Variants in TRAPPC9 observed in about 807,000 individuals in gnomAD.
TRAPPC9 encodes trafficking protein particle complex subunit 9, also known as IKK2 binding protein.
In TRAPPC9, 83 loss-of-function variants were observed where a neutral mutation model predicts 124.0. That is an observed-to-expected ratio of 0.67 (90% CI 0.56 to 0.80). TRAPPC9 has a LOEUF of 0.80. Among genes scored for constraint, TRAPPC9 ranks in the 30% least tolerant of loss-of-function variants. The pLI is 0.00. For synonymous variants in TRAPPC9, 638 were observed against 617.5 expected, an observed-to-expected ratio of 1.03 and a Z score of -0.49; for missense variants, 1,302 against 1,508.3, an observed-to-expected ratio of 0.86 and a Z score of 2.27.
At chr8:140,381,437 G>A (rs1188483889) in intron 7 of TRAPPC9, among the ~76,000 whole-genome samples, 1 of 152,012 alleles carries the variant, frequency 6.6e-6, no homozygotes, top group Non-Finnish European at 1.5e-5. Flanking sequence ...GGAGGCCAAG[G>A]TGGGCGGATC....
In TRAPPC9 at chr8:139,971,752, C is replaced by CACACACACAT. The variant is rs782664288; in HGVS notation, c.2810+16973_2810+16974insATGTGTGTGT. On this transcript the variant is annotated intron_variant, in intron 19 of 22. Transcript: ENST00000438773. ...ACACACACACACATATATATATACACACACACACACACATATATATATACA... is the reference window on the plus strand; with the variant it reads ...ACACACACACACATATATATATACACACACACACATACACACACACACATATATATATACA... Among the ~76,000 whole-genome samples the CACACACACAT allele has an allele frequency of 3.8e-4, 56 of 146,898 alleles. 1 individual carries two copies. Among genetic ancestry groups the CACACACACAT allele is most frequent in the Middle Eastern group, 6.8e-3 (2 of 292 alleles).
At chr8:140,313,543 T>C (rs984037812) in intron 9 of TRAPPC9, among the ~76,000 whole-genome samples, 7 of 152,212 alleles carry the variant, frequency 4.6e-5, no homozygotes, top group Non-Finnish European at 1.5e-5. Flanking sequence ...GTCTGGTCAC[T>C]ATGCTGTGGA....
chr8:140,150,432 C>A (rs964702677), intron 17 of TRAPPC9, among the ~76,000 whole-genome samples: 2 of 152,134 alleles, frequency 1.3e-5, no homozygotes, highest in Non-Finnish European at 2.9e-5. Flanking sequence ...CTGAGCAACA[C>A]GAGCAAAACA....
chr8:139,858,135 T>G (rs1457377307), intron 21 of TRAPPC9, among the ~76,000 whole-genome samples: 1 of 152,216 alleles, frequency 6.6e-6, no homozygotes, highest in Non-Finnish European at 1.5e-5. Flanking sequence ...AAAAACATTA[T>G]GAAAACAAGT....
At chr8:140,447,695 T>C (rs1423307450) in intron 2 of TRAPPC9, among the ~76,000 whole-genome samples, 1 of 152,116 alleles carries the variant, frequency 6.6e-6, no homozygotes, top group African/African-American at 2.4e-5. Context: ...GGCCTATCAG[T>C]ATGGTCAATG....
chr8:139,757,400 C>T (rs1586779521), intron 21 of TRAPPC9, among the ~76,000 whole-genome samples: 1 of 146,932 alleles, frequency 6.8e-6, no homozygotes, highest in South Asian at 2.2e-4. Flanking sequence ...CAGGAGGAGC[C>T]AGGGTTTGGG....
intron 19 of TRAPPC9, among the ~76,000 whole-genome samples, chr8:139,957,908 T>C (rs1835107011): frequency 6.6e-6 from 1 of 152,268 alleles, no homozygotes; most frequent in African/African-American, 2.4e-5. Flanking sequence ...ACGTCGTTTC[T>C]GTTCCCAAAT....
intron 2 of TRAPPC9, among the ~76,000 whole-genome samples, chr8:140,444,168 T>C (rs2071153892): frequency 7.0e-6 from 1 of 142,076 alleles, no homozygotes; most frequent in South Asian, 2.2e-4. Flanking sequence ...GCAGAGAACA[T>C]GCCACTGCCC....
chr8:140,280,716 G>A (rs1032817744), intron 14 of TRAPPC9, among the ~76,000 whole-genome samples: 3 of 152,036 alleles, frequency 2.0e-5, no homozygotes, highest in Non-Finnish European at 4.4e-5. Flanking sequence ...TTACAGGCAT[G>A]AGCCACCACG....
intron 21 of TRAPPC9, among the ~76,000 whole-genome samples, chr8:139,818,534 C>A (rs1825022152): frequency 6.6e-6 from 1 of 152,054 alleles, no homozygotes; most frequent in Admixed American, 6.5e-5. Flanking sequence ...TGAGATCACG[C>A]CACTGCCCTC....
In TRAPPC9 at chr8:139,856,594, G is replaced by A. The variant is rs111729204; in HGVS notation, c.3055+29285C>T. On this transcript the variant is annotated intron_variant, in intron 21 of 22. Coordinates refer to ENST00000438773, the MANE Select transcript of TRAPPC9 (RefSeq NM_001160372.4). ...AACAGCAAAGCAGCTGGACAGCGGC[G>A]GGGGGTGGCGTGCAAAATGGATTTG... Among the ~76,000 whole-genome samples, 74 of 152,272 alleles carry A rather than the reference G, an allele frequency of 4.9e-4. 1 individual carries two copies. The highest frequency in any genetic ancestry group is 3.4e-3 in the Middle Eastern group (1 of 294).
Position 139,731,221 on chromosome 8 carries a change from G to A in TRAPPC9, c.3287C>T (p.Pro1096Leu), listed in dbSNP as rs991466060. Residue 1096 changes from proline to leucine, a missense_variant, in exon 23 of 23, where the codon CCG becomes CTG. By Grantham distance (98) the Pro-to-Leu change is moderately conservative (BLOSUM62 -3). Transcript: ENST00000438773. ...CCCGAGGCAGGCCGACTGGCCGGAC[G>A]GCTGCACCTGAGCAGGGAGGAGAAA... is the stretch of plus-strand genomic sequence containing the variant. The part of the protein sequence containing the change: ...SSTFYLDAVQ[P>L]SGQSACLGAL... 4 of 1,613,388 alleles carry A rather than the reference G, an allele frequency of 2.5e-6. No homozygotes were observed. The highest frequency in any genetic ancestry group is 1.3e-5 in the African/African-American group (1 of 75,040).
chr8:140,030,451 G>A (rs992315815), intron 17 of TRAPPC9, among the ~76,000 whole-genome samples: 1 of 152,122 alleles, frequency 6.6e-6, no homozygotes, highest in African/African-American at 2.4e-5. Flanking sequence ...AAAATAGCTA[G>A]GTAAATCCTC....
rs574092575 is a variant in TRAPPC9, at chr8:140,071,431, C to CAT, written c.2557-47353_2557-47352insAT. Among the ~76,000 whole-genome samples the CAT allele has an allele frequency of 3.3e-5, 5 of 152,314 alleles. No individual in the cohort carries two copies. The South Asian group carries it at 1.0e-3, about 32-fold the overall frequency. On this transcript the variant is annotated intron_variant, in intron 17 of 22. Coordinates refer to ENST00000438773, the MANE Select transcript of TRAPPC9 (RefSeq NM_001160372.4). Reference sequence around the variant, plus strand: ...GGGCAAGGAGACTGGCAGAAAAGAACAGGCACTTTCCCTGGAAGAGTGAGG... The same window carrying CAT: ...GGGCAAGGAGACTGGCAGAAAAGAACATAGGCACTTTCCCTGGAAGAGTGAGG...
chr8:139,929,854 G>A (rs961917011), intron 19 of TRAPPC9, among the ~76,000 whole-genome samples: 5 of 152,192 alleles, frequency 3.3e-5, no homozygotes, highest in Non-Finnish European at 7.4e-5. Flanking sequence ...TCTGGGGTCT[G>A]CCCTCCCCAC....
At chr8:140,284,270 C>T (rs2065421504) in intron 13 of TRAPPC9, among the ~76,000 whole-genome samples, 1 of 152,218 alleles carries the variant, frequency 6.6e-6, no homozygotes, top group Non-Finnish European at 1.5e-5. Flanking sequence ...AAATGAAAGA[C>T]TATATATGTG....
intron 18 of TRAPPC9, among the ~76,000 whole-genome samples, chr8:140,001,954 T>A (rs1020079984): frequency 6.6e-6 from 1 of 152,170 alleles, no homozygotes; most frequent in African/African-American, 2.4e-5. Context: ...AAATTAAACA[T>A]ATTGTTTTAA....
intron 19 of TRAPPC9, among the ~76,000 whole-genome samples, chr8:139,936,001 C>T (rs1833488397): frequency 6.6e-6 from 1 of 152,202 alleles, no homozygotes; most frequent in South Asian, 2.1e-4. Context: ...TGGGGAGGGC[C>T]ACTCCTGCCC....
At chr8:140,200,060 C>T (rs1439125870) in intron 17 of TRAPPC9, among the ~76,000 whole-genome samples, 4 of 152,142 alleles carry the variant, frequency 2.6e-5, no homozygotes, top group African/African-American at 4.8e-5. Context: ...TACATGCACA[C>T]TGGAGTCAAA....
Sources: gnomAD v4.1 joint callset for allele counts (sites outside exome capture counted in the v4.1 genomes callset) on GRCh38, gnomAD v4.1.1 for gene constraint, MANE v1.5 for transcripts, NCBI Gene and HGNC (gene_info 2026-07-23, HGNC 2026-07-21) for gene names.